CCDC33: variants seen among roughly 807,000 people sequenced by gnomAD.
CCDC33 encodes the protein coiled-coil domain-containing protein 33.
In CCDC33, 94 loss-of-function variants were observed where a neutral mutation model predicts 91.9. The ratio of observed to expected loss-of-function variants is 1.02; its 90% CI spans 0.87 to 1.21. CCDC33 has a LOEUF of 1.21. Ranked by LOEUF, CCDC33 falls within the 50% of genes most tolerant of loss-of-function variation. The pLI is 0.00. For missense variants in CCDC33, 940 were observed against 935.5 expected, an observed-to-expected ratio of 1.00 and a Z score of -0.06; for synonymous variants, 396 against 374.5, an observed-to-expected ratio of 1.06 and a Z score of -0.66.
intron 1 of CCDC33, among the ~76,000 whole-genome samples, chr15:74,238,434 C>T (rs568443780): frequency 2.3e-4 from 35 of 150,478 alleles, no homozygotes; most frequent in Non-Finnish European, 4.6e-4. Flanking sequence ...AAAGGATGCT[C>T]ATCATGTATA....
intron 11 of CCDC33, among the ~76,000 whole-genome samples, chr15:74,304,805 G>A (rs2059861322): frequency 6.6e-6 from 1 of 152,022 alleles, no homozygotes; most frequent in Admixed American, 6.6e-5. Context: ...TGATTTAGAG[G>A]GCCCACTCAC....
rs369617402 is a variant in CCDC33, at chr15:74,210,795, G to C, written n.236+1261G>C. Among the ~76,000 whole-genome samples, 9 of 152,248 alleles carry C rather than the reference G, an allele frequency of 5.9e-5. No individual in the cohort carries two copies. The East Asian group carries it at 1.7e-3, about 29-fold the overall frequency. ...TAGACTAGGTATTGGCCAGTGACTT[G>C]GAAAAAGAGTGTTGAGCACAATTCC... On this transcript the variant is annotated intron_variant and non_coding_transcript_variant, in intron 2 of 3. Transcript: ENST00000558645.
intron 2 of CCDC33, among the ~76,000 whole-genome samples, chr15:74,229,107 A>G (rs377500856): frequency 1.1e-3 from 160 of 152,280 alleles, no homozygotes; most frequent in African/African-American, 3.6e-3. Flanking sequence ...CCCCACAAGC[A>G]CCTCAGTAAG....
intron 11 of CCDC33, among the ~76,000 whole-genome samples, chr15:74,327,832 C>T (rs1440774367): frequency 6.6e-6 from 1 of 152,156 alleles, no homozygotes; most frequent in Non-Finnish European, 1.5e-5. Context: ...TGGACAGGAT[C>T]GTATTAATTT....
At chr15:74,293,786 T>C (rs1442908259) in intron 10 of CCDC33, among the ~76,000 whole-genome samples, 1 of 152,032 alleles carries the variant, frequency 6.6e-6, no homozygotes, top group Non-Finnish European at 1.5e-5. Flanking sequence ...ATTCCAAGAG[T>C]CTTATTATAG....
rs749283081 is a variant in CCDC33 at position 74,280,097 on chromosome 15, G to A, written c.889+5G>A. 19 of 1,613,826 alleles carry A rather than the reference G, an allele frequency of 1.2e-5. No homozygotes were observed. In the Admixed American group the frequency reaches 2.2e-4, roughly 18 times the overall value. On this transcript the variant is annotated splice_donor_5th_base_variant and intron_variant, in intron 8 of 18. Coordinates refer to ENST00000398814, the MANE Select transcript of CCDC33 (RefSeq NM_025055.5). ...AGTACTACTCCTCAACTTCAAGTAC[G>A]TGACCCCTGGTGCCTCGCCAGGGCA...
intron 10 of CCDC33, among the ~76,000 whole-genome samples, chr15:74,285,114 T>C (rs1231947596): frequency 6.6e-6 from 1 of 152,232 alleles, no homozygotes; most frequent in Non-Finnish European, 1.5e-5. Flanking sequence ...ACATGGTCAG[T>C]GCTGTCACAG....
intron 11 of CCDC33, among the ~76,000 whole-genome samples, chr15:74,329,655 G>A (rs1456418540): frequency 2.0e-5 from 3 of 148,646 alleles, no homozygotes; most frequent in Admixed American, 6.6e-5. Flanking sequence ...GCTCTAACCT[G>A]GGTCTCCCAG....
At chr15:74,230,726 G>T (rs536251387) in intron 2 of CCDC33, among the ~76,000 whole-genome samples, 1 of 152,196 alleles carries the variant, frequency 6.6e-6, no homozygotes, top group East Asian at 1.9e-4. Flanking sequence ...GTGAGGGAAA[G>T]CTCACTGTGG....
Position 74,217,551 on chromosome 15 carries a change from A to C in CCDC33, c.280A>C (p.Arg94=), listed in dbSNP as rs560265259. The change falls in exon 1 of 3, where the codon AGG becomes CGG. Residue 94 remains arginine, a synonymous_variant. Coordinates refer to the CCDC33 transcript ENST00000635913. ...GCCTGGCCAGAGCCTCACCCTCACC[A>C]GGAGCAAGTTTATCTTTACTTTGCC... 89 of 1,259,524 alleles carry C rather than the reference A, an allele frequency of 7.1e-5. No individual in the cohort carries two copies. The African/African-American group carries it at 1.2e-3, about 17-fold the overall frequency. 78.0% of individuals were successfully genotyped at this position (1,259,524 alleles called of 1,614,324 possible). A position where few individuals can be genotyped will look rare whatever the true frequency, so the allele number is the denominator to read the frequency against.
At chr15:74,247,705 G>A (rs2075581911) in intron 2 of CCDC33, among the ~76,000 whole-genome samples, 1 of 152,150 alleles carries the variant, frequency 6.6e-6, no homozygotes, top group South Asian at 2.1e-4. Context: ...AGGAAATGTT[G>A]GCCAAAGGAT....
At position 74,218,212 on chromosome 15, in the gene CCDC33, C is replaced by G. The variant is rs2074498483; in HGVS notation, c.311-285C>G. Among the ~76,000 whole-genome samples the G allele has an allele frequency of 6.6e-6, 1 of 152,204 alleles. No individual in the cohort carries two copies. The highest frequency in any genetic ancestry group is 1.5e-5 in the Non-Finnish European group (1 of 68,034). On this transcript the variant is annotated intron_variant, in intron 1 of 2. Coordinates refer to the CCDC33 transcript ENST00000635913. This position sits in a 1 kb window ranked among gnomAD's most constrained non-coding sequence, Gnocchi z 4.8. ...GGGGCAGGCTGAACTCTTCCCCAGT[C>G]TAGGAGTCTATGGTGGTGGCAGGAC...
At chr15:74,324,870 C>T (rs1342723476) in intron 11 of CCDC33, among the ~76,000 whole-genome samples, 1 of 149,134 alleles carries the variant, frequency 6.7e-6, no homozygotes, top group African/African-American at 2.5e-5. Context: ...TCCTCATCCC[C>T]CACCTCCTCC....
intron 7 of CCDC33, among the ~76,000 whole-genome samples, chr15:74,275,583 C>T (rs1040622249): frequency 1.3e-5 from 2 of 152,204 alleles, no homozygotes; most frequent in African/African-American, 4.8e-5. Context: ...CAGGATCTTT[C>T]CAACACCCCG....
intron 2 of CCDC33, among the ~76,000 whole-genome samples, chr15:74,222,605 C>A (rs1489568504): frequency 6.7e-6 from 1 of 150,260 alleles, no homozygotes; most frequent in Non-Finnish European, 1.5e-5. Context: ...AGAAGAAAAG[C>A]TAATAAAGCA....
chr15:74,294,016 G>A (rs924309088), intron 10 of CCDC33, among the ~76,000 whole-genome samples: 1 of 152,246 alleles, frequency 6.6e-6, no homozygotes, highest in Non-Finnish European at 1.5e-5. Context: ...GTGGTAAAGT[G>A]AAGGGTCCTT....
chr15:74,279,929 G>T, intron 7 of CCDC33, 34 bp from the exon 8 acceptor site: 1 of 1,600,602 alleles, frequency 6.2e-7, no homozygotes, highest in Non-Finnish European at 8.5e-7. Flanking sequence ...AGAAGCTGTG[G>T]CCCCCACCAC....
At chr15:74,288,603 C>G (rs889893745) in intron 10 of CCDC33, among the ~76,000 whole-genome samples, 14 of 152,330 alleles carry the variant, frequency 9.2e-5, no homozygotes, top group African/African-American at 2.9e-4. Context: ...CATCTTGCCT[C>G]CCTGCTGTTC....
At position 74,330,646 on chromosome 15, in the gene CCDC33, C is replaced by T. The variant is rs1422980619; in HGVS notation, c.1457-17C>T. The T allele has an allele frequency of 6.2e-7, 1 of 1,607,504 alleles. No individual in the cohort carries two copies. Among genetic ancestry groups the T allele is most frequent in the African/African-American group, 1.3e-5 (1 of 74,778 alleles). ...AGAGGCTTCCTCCCTGAGCCAGCTC[C>T]CCAACCCACCTAACAGTGTCCATGA... On this transcript the variant is annotated splice_polypyrimidine_tract_variant and intron_variant, in intron 12 of 18. Transcript: ENST00000398814.
Sources: allele counts gnomAD v4.1 joint callset (sites outside exome capture counted in the v4.1 genomes callset), GRCh38; gene constraint gnomAD v4.1.1; non-coding constraint Gnocchi (gnomAD v3.1); transcripts MANE v1.5; gene names NCBI Gene and HGNC (gene_info 2026-07-23, HGNC 2026-07-21).